The following RIF1 variants were observed in gnomAD, a reference collection of about 807,000 sequenced individuals.
The protein encoded by RIF1 is telomere-associated protein RIF1.
RIF1 carries 45 observed loss-of-function variants against 247.1 expected under a neutral mutation model. The ratio of observed to expected loss-of-function variants is 0.18; its 90% CI spans 0.14 to 0.23. RIF1 has a LOEUF of 0.23. Among genes scored for constraint, RIF1 ranks in the 10% least tolerant of loss-of-function variants. The pLI is 1.00. For missense variants in RIF1, 2,967 were observed against 2,862.5 expected (o/e 1.04, Z -0.83); for synonymous variants, 1,087 against 978.8 (o/e 1.11, Z -2.06).
chr2:151,532,995 A>G, the RIF1 span, among the ~76,000 whole-genome samples: 18 of 152,194 alleles, frequency 1.2e-4, no homozygotes, highest in African/African-American at 3.9e-4. Context: ...TATATACAAT[A>G]TTCATAGAGC....
rs761111850 is a variant in RIF1, at chr2:151,503,319, T to C, written c.*861+134T>C. 3 of 1,491,444 alleles carry C rather than the reference T, an allele frequency of 2.0e-6. No individual in the cohort carries two copies. In the Admixed American group the frequency reaches 5.1e-5, roughly 25 times the overall value. The allele number at this position is 1,491,444 out of a possible 1,614,324, so 92.4% of individuals were successfully genotyped here. ...ATTGTGGTAAATTTTTTATGGGAAA[T>C]AGTTTCTTATATGATATATTTGTAA... On this transcript the variant is annotated intron_variant and NMD_transcript_variant, in intron 12 of 13. Coordinates refer to the RIF1 transcript ENST00000454583.
rs367779268 is a variant in RIF1 at position 151,468,599 on chromosome 2, T to A, written c.6826-42T>A. ...TGTCACTTTATATTTTCATGTTCAGTCAGTTGACCTCTGTGTAACAGCTTC... is the reference window on the plus strand; with the variant it reads ...TGTCACTTTATATTTTCATGTTCAGACAGTTGACCTCTGTGTAACAGCTTC... On this transcript the variant is annotated intron_variant, in intron 32 of 35. Transcript: ENST00000444746. 36 of 1,601,604 alleles carry A rather than the reference T, an allele frequency of 2.2e-5. No individual in the cohort carries two copies. In the African/African-American group the frequency reaches 4.6e-4, roughly 20 times the overall value.
At position 151,475,112 on chromosome 2, in the gene RIF1, G is replaced by T. The variant is rs764364134; in HGVS notation, c.*41G>T. On this transcript the variant is annotated 3_prime_UTR_variant, in exon 36 of 36. Coordinates refer to ENST00000444746, the MANE Select transcript of RIF1 (RefSeq NM_018151.5). ...TTGAAGGTTTTTTTAAACATCACTG[G>T]ATTTCTTGATTGAGGAAACAAGTTC... 18 of 1,329,976 alleles carry T rather than the reference G, an allele frequency of 1.4e-5. No individual in the cohort carries two copies. In the South Asian group the frequency reaches 2.1e-4, roughly 16 times the overall value. The allele number at this position is 1,329,976 out of a possible 1,614,324, so 82.4% of individuals were successfully genotyped here.
intron 12 of RIF1, chr2:151,503,250 C>A (rs1052141153): frequency 1.2e-6 from 1 of 868,748 alleles, no homozygotes; most frequent in Admixed American, 2.2e-5. Context: ...CAGACACACA[C>A]AGAATTGCTG....
rs113909414 is a variant in RIF1 at position 151,427,928 on chromosome 2, G to A, written c.787-856G>A. ...AATAAGTAGCCAGGCATGGTGGCACGCACCTATAATCCCAGCTACTTGGGA... is the reference window on the plus strand; with the variant it reads ...AATAAGTAGCCAGGCATGGTGGCACACACCTATAATCCCAGCTACTTGGGA... On this transcript the variant is annotated intron_variant, in intron 8 of 35. Coordinates refer to ENST00000444746, the MANE Select transcript of RIF1 (RefSeq NM_018151.5). Among the ~76,000 whole-genome samples, 50 of 152,118 alleles carry A rather than the reference G, an allele frequency of 3.3e-4. 1 individual carries two copies. Among genetic ancestry groups the A allele is most frequent in the African/African-American group, 7.2e-4 (30 of 41,500 alleles).
chr2:151,426,632 A>T (rs1689144644), intron 8 of RIF1, among the ~76,000 whole-genome samples: 1 of 151,782 alleles, frequency 6.6e-6, no homozygotes. Context: ...CTACCCATGA[A>T]CACAGATGTC....
In RIF1 at chr2:151,478,695, T is replaced by G. The variant is rs2152562707; in HGVS notation, c.*3624T>G. 6.6e-6 allele frequency: 1 copy of G among 152,152 alleles called. No individual in the cohort carries two copies. Among genetic ancestry groups the G allele is most frequent in the Non-Finnish European group, 1.5e-5 (1 of 67,980 alleles). 9.4% of individuals were successfully genotyped at this position (152,152 alleles called of 1,614,324 possible). ...AAGGTGTAAAGGAGTGAGAATAGAG[T>G]AATTGCTTTTTAAAAAGAAAGTATA... On this transcript the variant is annotated 3_prime_UTR_variant, in exon 36 of 36. Transcript: ENST00000444746.
At chr2:151,428,636 T>C in intron 8 of RIF1, 148 bp from the exon 9 acceptor site, 1 of 654,334 alleles carries the variant, frequency 1.5e-6, no homozygotes, top group East Asian at 2.7e-5. Context: ...ACACATCTCT[T>C]TATGTTTTGT....
At chr2:151,494,058 C>T in intron 9 of RIF1, 2 of 1,030,144 alleles carry the variant, frequency 1.9e-6, no homozygotes, top group Non-Finnish European at 3.0e-6. Context: ...GCAAATGTAA[C>T]TGGCATTTTG....
In RIF1 at chr2:151,428,926, A is replaced by C. The variant is rs1454892745; in HGVS notation, c.925+4A>C. ...GATAATTTTGCTTTAAATCCAGGTA[A>C]GTAATATTTTAACAATTTTGATTTT... On this transcript the variant is annotated splice_donor_region_variant and intron_variant, in intron 9 of 35. Coordinates refer to ENST00000444746, the MANE Select transcript of RIF1 (RefSeq NM_018151.5). 1 of 1,435,936 alleles carries C rather than the reference A, an allele frequency of 7.0e-7. No homozygotes were observed. Among genetic ancestry groups the C allele is most frequent in the African/African-American group, 1.4e-5 (1 of 70,858 alleles). 88.9% of individuals were successfully genotyped at this position (1,435,936 alleles called of 1,614,324 possible).
chr2:151,472,876 G>A (rs931468877), intron 34 of RIF1, among the ~76,000 whole-genome samples: 4 of 152,142 alleles, frequency 2.6e-5, no homozygotes, highest in African/African-American at 9.7e-5. Context: ...CAGGATGATG[G>A]TGGCCTCATA....
chr2:151,467,618 C>T (rs939351681), intron 30 of RIF1, among the ~76,000 whole-genome samples: 14 of 152,310 alleles, frequency 9.2e-5, no homozygotes, highest in Non-Finnish European at 1.8e-4. Context: ...GCTGGGATTA[C>T]AGGTGCGAGC....
intron 11 of RIF1, chr2:151,502,851 G>A: frequency 6.2e-7 from 1 of 1,606,060 alleles, no homozygotes; most frequent in Non-Finnish European, 8.5e-7. Context: ...GATAGGTGTT[G>A]GGATTCCTTT....
chr2:151,458,136 T>C (rs1695506177), intron 24 of RIF1, among the ~76,000 whole-genome samples, 173 bp downstream of exon 24: 1 of 152,056 alleles, frequency 6.6e-6, no homozygotes, highest in Non-Finnish European at 1.5e-5. Flanking sequence ...ACCTTTTCAT[T>C]GGTGCTTAGA....
chr2:151,414,424 C>G (rs1686841975), intron 3 of RIF1, among the ~76,000 whole-genome samples: 2 of 152,252 alleles, frequency 1.3e-5, no homozygotes, highest in South Asian at 4.1e-4. Flanking sequence ...CTTCCTTCTC[C>G]CAGTCTTAGA....
At chr2:151,437,810 T>C (rs1055322484) in intron 13 of RIF1, among the ~76,000 whole-genome samples, 12 of 152,248 alleles carry the variant, frequency 7.9e-5, no homozygotes, top group African/African-American at 2.9e-4. Flanking sequence ...ACCATGTTAG[T>C]TCATTTTACA....
At chr2:151,506,692 A>G (rs1392450995) in intron 13 of RIF1, among the ~76,000 whole-genome samples, 4 of 152,244 alleles carry the variant, frequency 2.6e-5, no homozygotes, top group Non-Finnish European at 5.9e-5. Flanking sequence ...AAAAAATTTA[A>G]AAATAAAAGT....
At chr2:151,470,222 A>G (rs1697586356) in intron 34 of RIF1, among the ~76,000 whole-genome samples, 1 of 151,926 alleles carries the variant, frequency 6.6e-6, no homozygotes, top group Admixed American at 6.6e-5. Context: ...CCTTTTTGTC[A>G]GTATTGTGCA....
At position 151,441,914 on chromosome 2, in the gene RIF1, G is replaced by A. The variant is rs757966872; in HGVS notation, c.1657G>A (p.Glu553Lys). ...FPVSKTLVLMEITIKGLPQKV... is the reference protein window; with the variant it reads ...FPVSKTLVLMKITIKGLPQKV... The stretch of plus-strand genomic sequence containing the variant: ...CTTTTATCTCTCATAGGTCCTCATG[G>A]AAATTACAATTAAAGGACTTCCTCA... Residue 553 changes from glutamate to lysine, a missense_variant, in exon 16 of 36, where the codon GAA becomes AAA. Physicochemically the swap from Glu to Lys is moderately conservative, Grantham distance 56 (BLOSUM62 1). Transcript: ENST00000444746. 2 of 1,532,236 alleles carry A rather than the reference G, an allele frequency of 1.3e-6. No homozygotes were observed. The highest frequency in any genetic ancestry group is 3.7e-5 in the Admixed American group (2 of 54,092). The allele number at this position is 1,532,236 out of a possible 1,614,324, so 94.9% of individuals were successfully genotyped here.
Sources: gnomAD v4.1 joint callset for allele counts (sites outside exome capture counted in the v4.1 genomes callset) on GRCh38, gnomAD v4.1.1 for gene constraint, MANE v1.5 for transcripts, NCBI Gene and HGNC (gene_info 2026-07-23, HGNC 2026-07-21) for gene names.